LARGE1: variants seen among roughly 807,000 people sequenced by gnomAD.
The protein encoded by LARGE1 is xylosyl- and glucuronyltransferase LARGE1.
Under a neutral mutation model 87.6 loss-of-function variants are expected in LARGE1, and 43 were observed. The ratio of observed to expected loss-of-function variants is 0.49; its 90% CI spans 0.38 to 0.63. The LOEUF (loss-of-function observed/expected upper bound fraction) is 0.63, where lower values mean the gene tolerates loss of function less well. Among genes scored for constraint, LARGE1 ranks in the 30% least tolerant of loss-of-function variants. The probability of loss-of-function intolerance (pLI) is 0.00; values close to 1 mark genes in which losing one functional copy is unlikely to be tolerated. For synonymous variants in LARGE1, 434 were observed against 394.6 expected, an observed-to-expected ratio of 1.10 and a Z score of -1.18; for missense variants, 802 against 1,000.2, an observed-to-expected ratio of 0.80 and a Z score of 2.67.
At chr22:33,228,195 C>T (rs890462657) in intron 11 of LARGE1, among the ~76,000 whole-genome samples, 2 of 152,254 alleles carry the variant, frequency 1.3e-5, no homozygotes, top group African/African-American at 4.8e-5. Context: ...GTATTTAGAG[C>T]ACTGCCTGGC....
At chr22:33,209,240 T>C (rs765884993) in intron 11 of LARGE1, among the ~76,000 whole-genome samples, 9 of 152,174 alleles carry the variant, frequency 5.9e-5, no homozygotes, top group Admixed American at 1.3e-4. Flanking sequence ...CTTTACAGCT[T>C]TCATTGCTTA....
chr22:33,637,238 T>C (rs1170848509), intron 3 of LARGE1, among the ~76,000 whole-genome samples: 1 of 152,178 alleles, frequency 6.6e-6, no homozygotes, highest in Non-Finnish European at 1.5e-5. Context: ...TGCAACTTTG[T>C]AACCTGAGGC....
At chr22:33,904,013 T>A (rs2065362106) in intron 1 of LARGE1, among the ~76,000 whole-genome samples, 1 of 152,120 alleles carries the variant, frequency 6.6e-6, no homozygotes, top group African/African-American at 2.4e-5. Flanking sequence ...TTTGTATGAC[T>A]TCTAGATCTT....
intron 11 of LARGE1, among the ~76,000 whole-genome samples, chr22:33,230,717 G>A (rs1200418765): frequency 6.6e-6 from 1 of 152,128 alleles, no homozygotes; most frequent in East Asian, 1.9e-4. Context: ...TGTCTGCACT[G>A]GTCAGAAGAA....
intron 11 of LARGE1, among the ~76,000 whole-genome samples, chr22:33,179,851 G>A (rs1266298236): frequency 6.6e-6 from 1 of 151,570 alleles, no homozygotes; most frequent in East Asian, 1.9e-4. Context: ...GAATGATGGT[G>A]TCTGTTCCAA....
chr22:33,182,815 C>G (rs930792071), intron 11 of LARGE1, among the ~76,000 whole-genome samples: 5 of 152,116 alleles, frequency 3.3e-5, no homozygotes, highest in African/African-American at 1.2e-4. Flanking sequence ...AAAGTCAACT[C>G]AATGGATTAA....
intron 11 of LARGE1, among the ~76,000 whole-genome samples, chr22:33,181,632 C>T (rs1024526737): frequency 6.6e-6 from 1 of 151,782 alleles, no homozygotes; most frequent in Non-Finnish European, 1.5e-5. Context: ...GGGTTCATGC[C>T]ATTCTCCTGC....
intron 4 of LARGE1, among the ~76,000 whole-genome samples, chr22:33,623,099 C>A (rs980268543): frequency 6.6e-6 from 1 of 150,910 alleles, no homozygotes; most frequent in African/African-American, 2.4e-5. Flanking sequence ...TAATTGAATA[C>A]CTGTACATCA....
chr22:33,394,159 T>C (rs929797735), intron 7 of LARGE1, among the ~76,000 whole-genome samples: 2 of 149,770 alleles, frequency 1.3e-5, no homozygotes, highest in Non-Finnish European at 3.0e-5. Flanking sequence ...AACTGCAGTA[T>C]ACTAGAGAGA....
At chr22:33,390,857 C>A (rs1028670197) in intron 7 of LARGE1, among the ~76,000 whole-genome samples, 1 of 152,032 alleles carries the variant, frequency 6.6e-6, no homozygotes, top group Non-Finnish European at 1.5e-5. Context: ...CCAGGCCTGG[C>A]TAATGTTTTT....
At chr22:33,313,913 T>C (rs748393450) in intron 11 of LARGE1, among the ~76,000 whole-genome samples, 5 of 152,210 alleles carry the variant, frequency 3.3e-5, no homozygotes, top group Non-Finnish European at 5.9e-5. Context: ...AGCTGCTCAA[T>C]GTGTGGTACT....
intron 11 of LARGE1, among the ~76,000 whole-genome samples, chr22:33,245,013 C>G (rs1340524787): frequency 1.3e-5 from 2 of 152,158 alleles, no homozygotes; most frequent in Admixed American, 6.5e-5. Context: ...TAAGCTCCAT[C>G]AAGTTCAAGA....
intron 2 of LARGE1, among the ~76,000 whole-genome samples, chr22:33,720,118 A>C (rs1328097977): frequency 6.6e-6 from 1 of 152,180 alleles, no homozygotes; most frequent in Non-Finnish European, 1.5e-5. Flanking sequence ...ATAATGCAGT[A>C]ATTATACAAC....
chr22:33,198,167 CATTGATT>C (rs1568969742), intron 11 of LARGE1, among the ~76,000 whole-genome samples: 1 of 152,042 alleles, frequency 6.6e-6, no homozygotes, highest in Non-Finnish European at 1.5e-5. Context: ...AGGAGAAAGA[CATTGATT>C]AGGAAAATAA....
intron 6 of LARGE1, among the ~76,000 whole-genome samples, chr22:33,452,560 G>C (rs2147931182): frequency 6.6e-6 from 1 of 152,330 alleles, no homozygotes; most frequent in African/African-American, 2.4e-5. Flanking sequence ...TTAGTAGCGA[G>C]TGGCAGGGCA....
intron 2 of LARGE1, among the ~76,000 whole-genome samples, chr22:33,668,825 A>G (rs1209882004): frequency 6.6e-6 from 1 of 152,174 alleles, no homozygotes; most frequent in Non-Finnish European, 1.5e-5. Flanking sequence ...TTTAGTATAC[A>G]TTTAGCTGCT....
intron 5 of LARGE1, among the ~76,000 whole-genome samples, chr22:33,570,782 A>G (rs752202706): frequency 6.6e-6 from 1 of 152,096 alleles, no homozygotes; most frequent in Non-Finnish European, 1.5e-5. Context: ...GTGATTAGCC[A>G]TGCAACCTTT....
intron 5 of LARGE1, chr22:33,572,199 TA>T (rs771746178): frequency 1.5e-6 from 2 of 1,291,046 alleles, no homozygotes; most frequent in South Asian, 1.3e-5. Context: ...TTTAAAAAAT[TA>T]AAAAAAGAAG....
chr22:33,879,210 C>T (rs2064585324), intron 1 of LARGE1, among the ~76,000 whole-genome samples: 1 of 152,190 alleles, frequency 6.6e-6, no homozygotes, highest in South Asian at 2.1e-4. Context: ...AGGTGATCTG[C>T]CCGCCTCGGC....
Sources: allele counts gnomAD v4.1 joint callset (sites outside exome capture counted in the v4.1 genomes callset), GRCh38; gene constraint gnomAD v4.1.1; transcripts MANE v1.5; gene names NCBI Gene and HGNC (gene_info 2026-07-23, HGNC 2026-07-21).